The following PLD1 variants were observed in gnomAD, a reference collection of about 807,000 sequenced individuals.
The protein encoded by PLD1 is choline phosphatase 1.
PLD1 carries 112 observed loss-of-function variants against 137.1 expected under a neutral mutation model. The ratio of observed to expected loss-of-function variants is 0.82; its 90% CI spans 0.70 to 0.96. The LOEUF is 0.96. Ranked by LOEUF, PLD1 falls within the 40% of genes least tolerant of loss-of-function variation. The pLI, the probability that PLD1 is intolerant of heterozygous loss-of-function variation, is 0.00. For synonymous variants in PLD1, 431 were observed against 454.7 expected (o/e 0.95, Z 0.66); for missense variants, 1,321 against 1,342.0 (o/e 0.98, Z 0.24).
chr3:171,741,422 T>C (rs1719762731), intron 1 of PLD1, among the ~76,000 whole-genome samples: 1 of 152,204 alleles, frequency 6.6e-6, no homozygotes, highest in Non-Finnish European at 1.5e-5. Flanking sequence ...AATCTTCATT[T>C]ATCAGTCAAT....
chr3:171,600,747 A>T lies in PLD1; in HGVS notation c.*2331T>A, dbSNP rs1453215391. ...TCTTATCACCCCTTTGCAGATGAGC[A>T]TCTTGTCTTTGGGAAGATGCAATAG... On this transcript the variant is annotated 3_prime_UTR_variant, in exon 27 of 27. Coordinates refer to ENST00000351298, the MANE Select transcript of PLD1 (RefSeq NM_002662.5). The T allele has an allele frequency of 1.3e-5, 2 of 152,138 alleles. No individual in the cohort carries two copies. The highest frequency in any genetic ancestry group is 2.9e-5 in the Non-Finnish European group (2 of 68,028). 9.4% of individuals were successfully genotyped at this position (152,138 alleles called of 1,614,324 possible).
At chr3:171,753,265 C>T (rs189355958) in intron 1 of PLD1, among the ~76,000 whole-genome samples, 202 of 152,320 alleles carry the variant, frequency 1.3e-3, no homozygotes, top group African/African-American at 4.7e-3. Context: ...GAGATATTCT[C>T]AGGACACCTG....
At position 171,722,551 on chromosome 3, in the gene PLD1, C is replaced by A. The variant is rs1578355198; in HGVS notation, c.758+2145G>T. On this transcript the variant is annotated intron_variant, in intron 8 of 26. Coordinates refer to ENST00000351298, the MANE Select transcript of PLD1 (RefSeq NM_002662.5). ...ACAGATTTGTCTATTCTGAAAATTT[C>A]TTATAAATAAGAATGATAAAACATG... 2.0e-5 allele frequency among the ~76,000 whole-genome samples: 3 copies of A among 152,106 alleles called. No homozygotes were observed. The South Asian group carries it at 6.2e-4, about 32-fold the overall frequency.
chr3:171,719,074 C>G (rs1320998719), intron 8 of PLD1, among the ~76,000 whole-genome samples: 5 of 152,160 alleles, frequency 3.3e-5, no homozygotes, highest in Non-Finnish European at 7.3e-5. Flanking sequence ...GTTGGTTCTT[C>G]TTTAGACTTG....
rs1306420964 is a variant in PLD1, at chr3:171,677,574, G to A, written c.1988C>T (p.Pro663Leu). 3 of 1,613,756 alleles carry A rather than the reference G, an allele frequency of 1.9e-6. No individual in the cohort carries two copies. The highest frequency in any genetic ancestry group is 1.1e-5 in the South Asian group (1 of 91,036). ...VFKDWVQLDK[P>L]FADFIDRYST... ...ACCATTATGATACTCACCAGCAAAA[G>A]GTTTATCAAGTTGAACCCAGTCTTT... The change falls in exon 17 of 27, where the codon CCT (proline) becomes CTT (leucine). Residue 663 changes from proline (P) to leucine (L), a missense_variant. Coordinates refer to ENST00000351298, the MANE Select transcript of PLD1 (RefSeq NM_002662.5).
intron 26 of PLD1, 88 bp downstream of exon 26, chr3:171,605,211 T>C (rs1434105884): frequency 3.6e-6 from 3 of 831,736 alleles, no homozygotes; most frequent in South Asian, 1.4e-5. Context: ...AAGAATACCC[T>C]GTACCAATAA....
At chr3:171,734,778 C>A in intron 5 of PLD1, 87 bp downstream of exon 5, 2 of 767,762 alleles carry the variant, frequency 2.6e-6, no homozygotes, top group Non-Finnish European at 4.5e-6. Flanking sequence ...GAGTTGTAGC[C>A]AGGCCTACTT....
At chr3:171,753,830 G>A (rs1001827821) in intron 1 of PLD1, among the ~76,000 whole-genome samples, 13 of 151,978 alleles carry the variant, frequency 8.6e-5, no homozygotes, top group African/African-American at 2.4e-4. Context: ...CCCTTCTACC[G>A]CTTCTCTCTC....
At chr3:171,745,665 A>G (rs1422257712) in intron 1 of PLD1, among the ~76,000 whole-genome samples, 1 of 152,202 alleles carries the variant, frequency 6.6e-6, no homozygotes, top group Non-Finnish European at 1.5e-5. Flanking sequence ...GGAGTTGTAC[A>G]TCAGGGGGGT....
In PLD1 at chr3:171,692,727, G is replaced by A. The variant is rs111923704; in HGVS notation, c.1228-285C>T. ...GTAGAGACAGGATTTCGCCATGTTG[G>A]CCAGGCTGGTCTCAAATTCCTGACC... On this transcript the variant is annotated intron_variant, in intron 12 of 26. Coordinates refer to ENST00000351298, the MANE Select transcript of PLD1 (RefSeq NM_002662.5). 4.6e-3 allele frequency among the ~76,000 whole-genome samples: 702 copies of A among 152,088 alleles called. 3 individuals are homozygous for A. The highest frequency in any genetic ancestry group is 0.016 in the African/African-American group (678 of 41,466).
At chr3:171,648,727 T>C (rs1214831594) in intron 21 of PLD1, among the ~76,000 whole-genome samples, 2 of 152,152 alleles carry the variant, frequency 1.3e-5, no homozygotes, top group Non-Finnish European at 2.9e-5. Flanking sequence ...GCTAATTTTT[T>C]GTATTTTTAG....
chr3:171,645,993 C>T (rs1258996649), intron 21 of PLD1, among the ~76,000 whole-genome samples: 1 of 150,808 alleles, frequency 6.6e-6, no homozygotes, highest in Non-Finnish European at 1.5e-5. Context: ...TGATTAATGA[C>T]AACCTTTGAA....
At chr3:171,646,675 C>CAAAAA (rs77696811) in intron 21 of PLD1, among the ~76,000 whole-genome samples, 5 of 89,506 alleles carry the variant, frequency 5.6e-5, no homozygotes, top group Non-Finnish European at 1.2e-4. Context: ...AAAGAACAGA[C>CAAAAA]AAAAAAAAAA....
chr3:171,640,737 T>C (rs1735661782), intron 23 of PLD1, among the ~76,000 whole-genome samples: 1 of 152,106 alleles, frequency 6.6e-6, no homozygotes, highest in South Asian at 2.1e-4. Flanking sequence ...AGCACGTGCA[T>C]TGCCCTGGGC....
intron 12 of PLD1, among the ~76,000 whole-genome samples, chr3:171,692,952 C>T (rs1715340088): frequency 6.6e-6 from 1 of 152,208 alleles, no homozygotes; most frequent in Admixed American, 6.5e-5. Flanking sequence ...ATCTCCCTTC[C>T]ATTCTTACAA....
At chr3:171,628,393 C>T (rs1734333888) in intron 23 of PLD1, among the ~76,000 whole-genome samples, 1 of 152,036 alleles carries the variant, frequency 6.6e-6, no homozygotes, top group African/African-American at 2.4e-5. Flanking sequence ...AAAAAGAGTC[C>T]AGGACCAGAT....
intron 24 of PLD1, among the ~76,000 whole-genome samples, chr3:171,613,368 T>C (rs1338879425): frequency 6.6e-6 from 1 of 152,194 alleles, no homozygotes; most frequent in Non-Finnish European, 1.5e-5. Flanking sequence ...ATTCTAACTG[T>C]TACAATCATC....
At position 171,711,104 on chromosome 3, in the gene PLD1, G is replaced by C. The variant is rs561509323; in HGVS notation, c.912-1395C>G. ...GGCTGGTCTCGAACTCTCAACCTCA[G>C]GGGATCGGCCTGCCTCGGCCTCCCA... On this transcript the variant is annotated intron_variant, in intron 9 of 26. Transcript: ENST00000351298. Among the ~76,000 whole-genome samples, 126 of 150,716 alleles carry C rather than the reference G, an allele frequency of 8.4e-4. 1 individual carries two copies. Among genetic ancestry groups the C allele is most frequent in the Middle Eastern group, 3.6e-3 (1 of 278 alleles).
intron 23 of PLD1, among the ~76,000 whole-genome samples, chr3:171,622,692 T>TATTTA (rs2108300941): frequency 6.6e-6 from 1 of 150,980 alleles, no homozygotes; most frequent in Admixed American, 6.6e-5. Flanking sequence ...TTTTCAATAC[T>TATTTA]ATTTAATATT....
Sources: gnomAD v4.1 joint callset for allele counts (sites outside exome capture counted in the v4.1 genomes callset) on GRCh38, gnomAD v4.1.1 for gene constraint, MANE v1.5 for transcripts, NCBI Gene and HGNC (gene_info 2026-07-23, HGNC 2026-07-21) for gene names.